Variants in ZNF426 observed in about 807,000 individuals in gnomAD.
The protein encoded by ZNF426 is CTC-543D15.7.
ZNF426 carries 23 observed loss-of-function variants against 24.0 expected under a neutral mutation model. That is an observed-to-expected ratio of 0.96 (90% CI 0.69 to 1.36). ZNF426 has a LOEUF of 1.36. ZNF426 is among the 40% of genes most tolerant of loss of function. The pLI is 0.00. For synonymous variants in ZNF426, 272 were observed against 224.6 expected, an observed-to-expected ratio of 1.21 and a Z score of -1.89; for missense variants, 646 against 658.4, an observed-to-expected ratio of 0.98 and a Z score of 0.21.
intron 4 of ZNF426, 53 bp from the exon 5 acceptor site, chr19:9,534,019 T>C: frequency 1.3e-6 from 2 of 1,592,550 alleles, no homozygotes; most frequent in Non-Finnish European, 1.7e-6. Context: ...CCATCAGCGT[T>C]CGCTGGAGGA....
rs1399571431 is a variant in ZNF426, at chr19:9,529,655, T to C, written c.409-19A>G. 6.4e-7 allele frequency: 1 copy of C among 1,563,014 alleles called. No individual in the cohort carries two copies. The highest frequency in any genetic ancestry group is 8.6e-7 in the Non-Finnish European group (1 of 1,164,188). On this transcript the variant is annotated intron_variant, in intron 7 of 7. Coordinates refer to ENST00000253115, the MANE Select transcript of ZNF426 (RefSeq NM_024106.3). ...TTCCTTCCTGTTGAAGGGATGATGA[T>C]GATTTAAGGATTTTTCTCAAACATA...
chr19:9,536,487 G>T, intron 2 of ZNF426, 131 bp from the exon 3 acceptor site: 1 of 815,562 alleles, frequency 1.2e-6, no homozygotes, highest in Non-Finnish European at 1.8e-6. Context: ...GACTGCTTCA[G>T]CCTAGAAGTT....
intron 2 of ZNF426, chr19:9,536,624 CA>C (rs1404458070): frequency 3.8e-6 from 1 of 261,130 alleles, no homozygotes. Flanking sequence ...TTTGCACACA[CA>C]CATAGAAAAA....
rs1488233881 is a variant in ZNF426 at position 9,528,932 on chromosome 19, T to C, written c.1113A>G (p.Lys371=). 6.2e-7 allele frequency: 1 copy of C among 1,613,844 alleles called. No individual in the cohort carries two copies. The highest frequency in any genetic ancestry group is 1.3e-5 in the African/African-American group (1 of 74,994). Residue 371 remains lysine, a synonymous_variant, in exon 8 of 8, where the codon AAA becomes AAG. Coordinates refer to ENST00000253115, the MANE Select transcript of ZNF426 (RefSeq NM_024106.3). ...DKPYECKECG[K]SFLTSSRLIQ... ...TAAGGCGTGAGGATGTAAGGAAGGA[T>C]TTCCCACATTCCTTACATTCATAGG...
Position 9,533,871 on chromosome 19 carries a change from C to G in ZNF426, c.213G>C (p.Met71Ile), listed in dbSNP as rs1262076690. The change falls in exon 5 of 8, where the codon ATG becomes ATC. Residue 71 changes from methionine to isoleucine, a missense_variant. Transcript: ENST00000253115. ...STQRSLYSDV[M>I]LENYKNLATV... ...TGGCCAGGTTCTTGTAGTTCTCCAG[C>G]ATCACGTCACTGTAGAGGCTTCTCT... 1.2e-6 allele frequency: 2 copies of G among 1,614,054 alleles called. No individual in the cohort carries two copies. The highest frequency in any genetic ancestry group is 1.3e-5 in the African/African-American group (1 of 74,940).
At chr19:9,529,833 A>ATCTTGGCTAGGCATGG (rs1211491816) in intron 7 of ZNF426, among the ~76,000 whole-genome samples, 197 bp from the exon 8 acceptor site, 38 of 152,268 alleles carry the variant, frequency 2.5e-4, no homozygotes, top group African/African-American at 8.7e-4. Flanking sequence ...ATCTACTTTA[A>ATCTTGGCTAGGCATGG]TCTTGGCTAG....
In ZNF426 at chr19:9,536,296, T is replaced by C. The variant is rs898269821; in HGVS notation, c.-64A>G. 6.2e-6 allele frequency: 10 copies of C among 1,613,862 alleles called. No homozygotes were observed. In the African/African-American group the frequency reaches 1.3e-4, roughly 22 times the overall value. On this transcript the variant is annotated 5_prime_UTR_variant, in exon 3 of 8. Transcript: ENST00000253115. ...GATGTCACCATCACTTCAGGACACC[T>C]CATTAATCTAAATGGACAGTGGCAA... is the stretch of plus-strand genomic sequence containing the variant.
At chr19:9,532,624 A>G (rs2144773069) in intron 6 of ZNF426, among the ~76,000 whole-genome samples, 1 of 152,206 alleles carries the variant, frequency 6.6e-6, no homozygotes, top group South Asian at 2.1e-4. Flanking sequence ...TTTTTGGACC[A>G]TGGTTGAATG....
chr19:9,536,364 T>C lies in ZNF426; in HGVS notation c.-124-8A>G, dbSNP rs760833329. 14 of 1,576,998 alleles carry C rather than the reference T, an allele frequency of 8.9e-6. No individual in the cohort carries two copies. Among genetic ancestry groups the C allele is most frequent in the Non-Finnish European group, 1.2e-5 (14 of 1,160,730 alleles). On this transcript the variant is annotated splice_polypyrimidine_tract_variant and splice_region_variant and intron_variant, in intron 2 of 7. Coordinates refer to ENST00000253115, the MANE Select transcript of ZNF426 (RefSeq NM_024106.3). ...ACAGGGTTATTGGGATTCCTGTTGG[T>C]ATTAATCAATAATCAACAAGCAGTA...
Position 9,533,770 on chromosome 19 carries a change from A to G in ZNF426, c.244+70T>C, listed in dbSNP as rs1463224154. On this transcript the variant is annotated intron_variant, in intron 5 of 7. Coordinates refer to ENST00000253115, the MANE Select transcript of ZNF426 (RefSeq NM_024106.3). ...TTTGCATTCAGAGTTGACATTGCCA[A>G]TGCTGCAAAACAGTAAGTACAAAAC... 53 of 1,598,400 alleles carry G rather than the reference A, an allele frequency of 3.3e-5. 1 individual carries two copies. In the East Asian group the frequency reaches 1.1e-3, roughly 34 times the overall value.
intron 6 of ZNF426, among the ~76,000 whole-genome samples, chr19:9,531,912 G>A (rs962932923): frequency 5.9e-5 from 9 of 152,206 alleles, no homozygotes; most frequent in African/African-American, 1.9e-4. Flanking sequence ...ATAAACCCGG[G>A]AGGTGGAGCT....
intron 2 of ZNF426, chr19:9,536,598 G>C: frequency 3.7e-6 from 1 of 268,970 alleles, no homozygotes; most frequent in Non-Finnish European, 7.2e-6. Context: ...ACCAGAACCT[G>C]AATGCAAGTA....
intron 5 of ZNF426, 69 bp from the exon 6 acceptor site, chr19:9,532,994 G>T: frequency 7.7e-7 from 1 of 1,294,446 alleles, no homozygotes; most frequent in Non-Finnish European, 1.1e-6. Flanking sequence ...TGTGATTCAG[G>T]AACTACAGAT....
At chr19:9,530,281 C>T (rs2073863148) in intron 7 of ZNF426, among the ~76,000 whole-genome samples, 1 of 151,922 alleles carries the variant, frequency 6.6e-6, no homozygotes, top group Non-Finnish European at 1.5e-5. Context: ...GGCAAAACTC[C>T]ATCTCTATAA....
At chr19:9,533,433 G>A (rs886336171) in intron 5 of ZNF426, among the ~76,000 whole-genome samples, 4 of 152,206 alleles carry the variant, frequency 2.6e-5, no homozygotes, top group African/African-American at 9.7e-5. Flanking sequence ...TCCAGCCTGC[G>A]TGACAGAGTG....
At chr19:9,533,236 A>C (rs1190255239) in intron 5 of ZNF426, among the ~76,000 whole-genome samples, 3 of 152,026 alleles carry the variant, frequency 2.0e-5, no homozygotes, top group Non-Finnish European at 4.4e-5. Context: ...ACTTGAGGTC[A>C]GGAGTTCGAG....
At chr19:9,529,821 C>T (rs549270103) in intron 7 of ZNF426, among the ~76,000 whole-genome samples, 185 bp from the exon 8 acceptor site, 3 of 152,162 alleles carry the variant, frequency 2.0e-5, no homozygotes, top group African/African-American at 7.2e-5. Flanking sequence ...GAATGTTGTG[C>T]CATCTACTTT....
chr19:9,533,841 T>G lies in ZNF426; in HGVS notation c.243A>C (p.Val81=). Residue 81 remains valine, a splice_region_variant and synonymous_variant, in exon 5 of 8, where the codon GTA becomes GTC. Coordinates refer to ENST00000253115, the MANE Select transcript of ZNF426 (RefSeq NM_024106.3). ...MLENYKNLAT[V]GGQIIKPSLI... is the part of the protein sequence containing the mutation. ...TGCAAGGGATGAGGCCAGTCTTACC[T>G]ACTGTGGCCAGGTTCTTGTAGTTCT... The G allele has an allele frequency of 6.2e-7, 1 of 1,614,110 alleles. No homozygotes were observed. Among genetic ancestry groups the G allele is most frequent in the Admixed American group, 1.7e-5 (1 of 60,018 alleles).
Position 9,523,707 on chromosome 19 carries a change from A to T in ZNF426, c.*4673T>A, listed in dbSNP as rs1355296820. Reference sequence around the variant, plus strand: ...AGATCATCAGGCATTAGATTCTCATAAGGAGTGTGCAACCTAGATCCCTTG... The same window carrying T: ...AGATCATCAGGCATTAGATTCTCATTAGGAGTGTGCAACCTAGATCCCTTG... On this transcript the variant is annotated 3_prime_UTR_variant, in exon 8 of 8. Coordinates refer to ENST00000253115, the MANE Select transcript of ZNF426 (RefSeq NM_024106.3). 6.6e-6 allele frequency: 1 copy of T among 152,200 alleles called. No individual in the cohort carries two copies. The highest frequency in any genetic ancestry group is 2.4e-5 in the African/African-American group (1 of 41,438). 9.4% of individuals were successfully genotyped at this position (152,200 alleles called of 1,614,324 possible). A position where few individuals can be genotyped will look rare whatever the true frequency, so the allele number is the denominator to read the frequency against.
Sources: gnomAD v4.1 joint callset for allele counts (sites outside exome capture counted in the v4.1 genomes callset) on GRCh38, gnomAD v4.1.1 for gene constraint, MANE v1.5 for transcripts, NCBI Gene and HGNC (gene_info 2026-07-23, HGNC 2026-07-21) for gene names.